Variants in MIS18A observed in about 807,000 individuals in gnomAD.
MIS18A encodes protein Mis18-alpha.
A neutral mutation model predicts 25.0 loss-of-function variants in MIS18A; 14 were observed. The ratio of observed to expected loss-of-function variants is 0.56; its 90% CI spans 0.37 to 0.88. MIS18A has a LOEUF of 0.88. Among genes scored for constraint, MIS18A ranks in the 40% least tolerant of loss-of-function variants. MIS18A has a pLI of 0.00. For missense variants in MIS18A, 292 were observed against 290.8 expected, an observed-to-expected ratio of 1.00 and a Z score of -0.03; for synonymous variants, 134 against 118.6, an observed-to-expected ratio of 1.13 and a Z score of -0.84.
At chr21:32,186,343 G>A in the MIS18A span, among the ~76,000 whole-genome samples, 1 of 152,246 alleles carries the variant, frequency 6.6e-6, no homozygotes, top group East Asian at 1.9e-4. Flanking sequence ...GCACAGGCAT[G>A]CTAGCTTTGC....
chr21:32,221,723 CA>C, the MIS18A span, among the ~76,000 whole-genome samples: 29,852 of 108,208 alleles, frequency 0.28, 3,205 homozygotes, highest in Admixed American at 0.33. Flanking sequence ...ACGAATAATA[CA>C]AAAAAAAAAA....
At chr21:32,157,242 G>GTTTTTTTTTTTTTTTTTTTTTTT in the MIS18A span, among the ~76,000 whole-genome samples, 1 of 15,358 alleles carries the variant, frequency 6.5e-5, no homozygotes. Flanking sequence ...TTTTTTTTTG[G>GTTTTTTTTTTTTTTTTTTTTTTT]TAGTTTTAGT....
At chr21:32,229,091 C>A in the MIS18A span, among the ~76,000 whole-genome samples, 1 of 152,202 alleles carries the variant, frequency 6.6e-6, no homozygotes, top group African/African-American at 2.4e-5. Flanking sequence ...ATTTGAAATA[C>A]TGCCCTCTAA....
At chr21:32,265,454 A>T (rs2031577010), downstream of MIS18A, among the ~76,000 whole-genome samples, 1 of 152,210 alleles carries the variant, frequency 6.6e-6, no homozygotes, top group Non-Finnish European at 1.5e-5. Flanking sequence ...GGCCCCGGGC[A>T]ATGGGGGACT....
At chr21:32,252,404 AAAG>A in the MIS18A span, among the ~76,000 whole-genome samples, 81 of 145,110 alleles carry the variant, frequency 5.6e-4, no homozygotes, top group South Asian at 1.4e-3. Flanking sequence ...AAGGAGAAGA[AAAG>A]AAGAAGAAGA....
chr21:32,191,224 C>A, the MIS18A span, among the ~76,000 whole-genome samples: 2 of 152,218 alleles, frequency 1.3e-5, no homozygotes, highest in Admixed American at 6.5e-5. Flanking sequence ...CCCACAATAT[C>A]TTTTCTCTAT....
At chr21:32,162,603 T>A in the MIS18A span, among the ~76,000 whole-genome samples, 1 of 152,204 alleles carries the variant, frequency 6.6e-6, no homozygotes, top group African/African-American at 2.4e-5. Context: ...ATTGTTCAAG[T>A]ATAGCTCTTA....
the MIS18A span, among the ~76,000 whole-genome samples, chr21:32,167,263 T>G: frequency 6.6e-6 from 1 of 152,134 alleles, no homozygotes. Context: ...AGCCTTCAAT[T>G]GAAAATTATC....
At chr21:32,223,732 T>G in the MIS18A span, among the ~76,000 whole-genome samples, 1 of 152,228 alleles carries the variant, frequency 6.6e-6, no homozygotes, top group Non-Finnish European at 1.5e-5. Flanking sequence ...CTTCTGAAAC[T>G]ATTCCAAACA....
chr21:32,278,066 GA>G (rs2031848885), intron 1 of MIS18A: 1 of 152,168 alleles, frequency 6.6e-6, no homozygotes, highest in African/African-American at 2.4e-5. Flanking sequence ...CAAAATGAGG[GA>G]ACAGTGGAAC....
downstream of MIS18A, among the ~76,000 whole-genome samples, chr21:32,266,147 T>G (rs1397838101): frequency 6.7e-6 from 1 of 150,102 alleles, no homozygotes; most frequent in African/African-American, 2.4e-5. Context: ...GCACCCTGTG[T>G]TTAGCTCAAG....
chr21:32,241,800 T>C, the MIS18A span, among the ~76,000 whole-genome samples: 8 of 152,246 alleles, frequency 5.3e-5, no homozygotes, highest in Non-Finnish European at 2.9e-5. Context: ...AGCTATTTTC[T>C]TGTCCCACAG....
chr21:32,212,642 T>C, the MIS18A span, among the ~76,000 whole-genome samples: 1 of 152,280 alleles, frequency 6.6e-6, no homozygotes, highest in Non-Finnish European at 1.5e-5. Flanking sequence ...CCTATTGATA[T>C]GGTTTGGCTG....
At chr21:32,265,516 C>A (rs548044359), downstream of MIS18A, among the ~76,000 whole-genome samples, 1 of 152,208 alleles carries the variant, frequency 6.6e-6, no homozygotes, top group Non-Finnish European at 1.5e-5. Context: ...CCAGCAGTGC[C>A]GGCCCACCGG....
chr21:32,160,873 C>T, the MIS18A span, among the ~76,000 whole-genome samples: 4 of 152,218 alleles, frequency 2.6e-5, no homozygotes, highest in South Asian at 8.3e-4. Context: ...TCAGGTGATC[C>T]GCCTGCCTCA....
the MIS18A span, among the ~76,000 whole-genome samples, chr21:32,232,998 G>T: frequency 6.6e-6 from 1 of 152,170 alleles, no homozygotes; most frequent in African/African-American, 2.4e-5. Context: ...CATACACAGT[G>T]AAATTGTTTC....
chr21:32,220,062 A>C, the MIS18A span, among the ~76,000 whole-genome samples: 53 of 152,206 alleles, frequency 3.5e-4, no homozygotes, highest in Non-Finnish European at 1.5e-5. Flanking sequence ...CAGCAGACTT[A>C]AACGTTCCTG....
chr21:32,242,186 G>C, the MIS18A span, among the ~76,000 whole-genome samples: 1 of 152,198 alleles, frequency 6.6e-6, no homozygotes, highest in Admixed American at 6.5e-5. Flanking sequence ...GGCCAGAAAG[G>C]ATTTTTACAG....
At chr21:32,199,305 A>G in the MIS18A span, among the ~76,000 whole-genome samples, 1 of 152,142 alleles carries the variant, frequency 6.6e-6, no homozygotes, top group Non-Finnish European at 1.5e-5. Context: ...ACTTGCCTTC[A>G]TTATTCAGGA....
Sources: gnomAD v4.1 joint callset for allele counts (sites outside exome capture counted in the v4.1 genomes callset) on GRCh38, gnomAD v4.1.1 for gene constraint, MANE v1.5 for transcripts, NCBI Gene and HGNC (gene_info 2026-07-23, HGNC 2026-07-21) for gene names.